Variants in VWA5B1 observed in about 807,000 individuals in gnomAD.
The protein encoded by VWA5B1 is von Willebrand factor A domain-containing protein 5B1.
VWA5B1 carries 115 observed loss-of-function variants against 118.2 expected under a neutral mutation model. The observed-to-expected ratio is 0.97, with a 90% CI of 0.84 to 1.14. The LOEUF (loss-of-function observed/expected upper bound fraction) is 1.14. Ranked by LOEUF, VWA5B1 falls within the 50% of genes most tolerant of loss-of-function variation. The pLI is 0.00. For missense variants in VWA5B1, 1,596 were observed against 1,603.8 expected (o/e 1.00, Z 0.08); for synonymous variants, 682 against 658.4 (o/e 1.04, Z -0.55).
At chr1:20,352,485 A>G (rs2090149593) in intron 21 of VWA5B1, among the ~76,000 whole-genome samples, 1 of 152,216 alleles carries the variant, frequency 6.6e-6, no homozygotes, top group Non-Finnish European at 1.5e-5. Flanking sequence ...ATTCTACTCC[A>G]CGCATCTATG....
At chr1:20,304,130 C>T (rs991111609) in intron 1 of VWA5B1, among the ~76,000 whole-genome samples, 1 of 152,176 alleles carries the variant, frequency 6.6e-6, no homozygotes, top group African/African-American at 2.4e-5. Context: ...AGCCATTGCT[C>T]TTTCAGAACT....
intron 1 of VWA5B1, among the ~76,000 whole-genome samples, chr1:20,308,190 G>A (rs1047078483): frequency 3.3e-5 from 5 of 152,150 alleles, no homozygotes; most frequent in Non-Finnish European, 7.3e-5. Context: ...CATCCATGTT[G>A]CTGCAAAGGA....
rs920350323 is a variant in VWA5B1, at chr1:20,343,434, C to T, written c.2626+41C>T. 2.4e-5 allele frequency: 36 copies of T among 1,474,938 alleles called. No individual in the cohort carries two copies. In the African/African-American group the frequency reaches 3.8e-4, roughly 15 times the overall value. The allele number at this position is 1,474,938 out of a possible 1,614,324, so 91.4% of individuals were successfully genotyped here. A position where few individuals can be genotyped will look rare whatever the true frequency, so the allele number is the denominator to read the frequency against. ...CTGCGCCCCTCCCGCGGACGGCCTCCGGAGGACAGCCCCGCTCCACAGCCG... is the reference window on the plus strand; with the variant it reads ...CTGCGCCCCTCCCGCGGACGGCCTCTGGAGGACAGCCCCGCTCCACAGCCG... On this transcript the variant is annotated intron_variant, in intron 16 of 21. Transcript: ENST00000289815.
intron 1 of VWA5B1, among the ~76,000 whole-genome samples, chr1:20,303,908 G>A (rs1287694450): frequency 1.3e-5 from 2 of 152,208 alleles, no homozygotes; most frequent in East Asian, 3.8e-4. Flanking sequence ...AGGGGAAATA[G>A]CAGGCTTTGG....
At chr1:20,314,109 A>C (rs923079002) in intron 3 of VWA5B1, among the ~76,000 whole-genome samples, 1 of 152,172 alleles carries the variant, frequency 6.6e-6, no homozygotes, top group Non-Finnish European at 1.5e-5. Context: ...TTCCACTCCC[A>C]GCAAGGTAGA....
chr1:20,344,132 C>T (rs1028489351), intron 16 of VWA5B1, among the ~76,000 whole-genome samples: 3 of 151,276 alleles, frequency 2.0e-5, no homozygotes, highest in Non-Finnish European at 2.9e-5. Context: ...CCACCCTCTT[C>T]CCCCTGCCTC....
chr1:20,291,359 T>TCTC (rs2088297636), intron 1 of VWA5B1, among the ~76,000 whole-genome samples: 36 of 103,404 alleles, frequency 3.5e-4, no homozygotes, highest in East Asian at 2.7e-3. Flanking sequence ...CTTTCTTTCT[T>TCTC]TCTCTCTCTC....
rs146464835 is a variant in VWA5B1, at chr1:20,328,280, G to C, written c.1254+280G>C. Among the ~76,000 whole-genome samples the C allele has an allele frequency of 2.0e-5, 3 of 152,248 alleles. No individual in the cohort carries two copies. The East Asian group carries it at 5.8e-4, about 29-fold the overall frequency. Reference sequence around the variant, plus strand: ...GTACAGAAATGAGGTACGGAAAGTGGGTAGAGAGAGGACATAGCCCAGGCC... The same window carrying C: ...GTACAGAAATGAGGTACGGAAAGTGCGTAGAGAGAGGACATAGCCCAGGCC... On this transcript the variant is annotated intron_variant, in intron 9 of 21. Transcript: ENST00000289815.
At chr1:20,328,727 A>C (rs1276439409) in intron 9 of VWA5B1, among the ~76,000 whole-genome samples, 1 of 152,232 alleles carries the variant, frequency 6.6e-6, no homozygotes. Flanking sequence ...TGGGCAGGAC[A>C]GTGAGACCTC....
intron 4 of VWA5B1, 92 bp downstream of exon 4, chr1:20,314,684 C>T (rs2088951734): frequency 1.3e-6 from 2 of 1,483,956 alleles, no homozygotes; most frequent in Non-Finnish European, 1.8e-6. Context: ...TGGGGGGAGA[C>T]AGGGAGGAGA....
intron 11 of VWA5B1, among the ~76,000 whole-genome samples, chr1:20,332,527 A>AAT (rs1311965358): frequency 2.7e-5 from 4 of 150,450 alleles, no homozygotes; most frequent in African/African-American, 7.3e-5. Context: ...AATAAAATAA[A>AAT]ATAAAATAAA....
Position 20,354,279 on chromosome 1 carries a change from G to A in VWA5B1, c.*16G>A, listed in dbSNP as rs754983114. ...TTATGTGTAGTTGAGTGACGGGGAG[G>A]CTGGGTGGAGGGAAGGGTGGGGAGG... On this transcript the variant is annotated 3_prime_UTR_variant, in exon 22 of 22. Transcript: ENST00000289815. 2.6e-6 allele frequency: 4 copies of A among 1,516,352 alleles called. No homozygotes were observed. Among genetic ancestry groups the A allele is most frequent in the Non-Finnish European group, 3.6e-6 (4 of 1,124,962 alleles). 93.9% of individuals were successfully genotyped at this position (1,516,352 alleles called of 1,614,324 possible).
chr1:20,291,359 T>TTCTTTCTCTC (rs1381113890), intron 1 of VWA5B1, among the ~76,000 whole-genome samples: 1,157 of 103,386 alleles, frequency 0.011, 28 homozygotes, highest in African/African-American at 0.039. Flanking sequence ...CTTTCTTTCT[T>TTCTTTCTCTC]TCTCTCTCTC....
intron 14 of VWA5B1, among the ~76,000 whole-genome samples, chr1:20,340,325 C>T (rs888229431): frequency 5.9e-5 from 9 of 152,128 alleles, no homozygotes; most frequent in African/African-American, 9.7e-5. Flanking sequence ...GTAGTGTTGA[C>T]GGCTGGGGGA....
chr1:20,301,232 G>A (rs906029392), intron 1 of VWA5B1, among the ~76,000 whole-genome samples: 9 of 152,272 alleles, frequency 5.9e-5, no homozygotes, highest in African/African-American at 2.2e-4. Context: ...TGCAGTCATA[G>A]TGGGTGGGAG....
chr1:20,316,644 G>A (rs78336444), intron 4 of VWA5B1, among the ~76,000 whole-genome samples: 5 of 152,190 alleles, frequency 3.3e-5, no homozygotes, highest in Non-Finnish European at 5.9e-5. Flanking sequence ...AAAGAAAGAG[G>A]GTCCCGAAAC....
intron 1 of VWA5B1, among the ~76,000 whole-genome samples, chr1:20,301,395 G>T (rs917229097): frequency 6.6e-6 from 1 of 152,168 alleles, no homozygotes; most frequent in Non-Finnish European, 1.5e-5. Flanking sequence ...ATTTTTACCC[G>T]CCCACTATAC....
chr1:20,318,463 G>A, intron 5 of VWA5B1, 127 bp from the exon 6 acceptor site: 1 of 1,375,126 alleles, frequency 7.3e-7, no homozygotes, highest in Non-Finnish European at 1.0e-6. Flanking sequence ...TCACACTGCA[G>A]GTCAGGAGCC....
In VWA5B1 at chr1:20,358,946, A is replaced by G. The variant is rs2090275858; in HGVS notation, c.*4683A>G. The stretch of plus-strand genomic sequence containing the variant: ...CTCCTGGCCACGCCTACAGCTCCCA[A>G]CCGTGGACCTCTCTGCCCTGTGTGT... On this transcript the variant is annotated 3_prime_UTR_variant, in exon 22 of 22. Transcript: ENST00000289815. 6.6e-6 allele frequency among the ~76,000 whole-genome samples: 1 copy of G among 152,140 alleles called. No individual in the cohort carries two copies. The highest frequency in any genetic ancestry group is 1.5e-5 in the Non-Finnish European group (1 of 68,028).
Sources: gnomAD v4.1 joint callset for allele counts (sites outside exome capture counted in the v4.1 genomes callset) on GRCh38, gnomAD v4.1.1 for gene constraint, MANE v1.5 for transcripts, NCBI Gene and HGNC (gene_info 2026-07-23, HGNC 2026-07-21) for gene names.